Variants in SGPL1 observed in about 807,000 individuals in gnomAD.
SGPL1 encodes SP-lyase 1.
Under a neutral mutation model 68.9 loss-of-function variants are expected in SGPL1, and 37 were observed. The observed-to-expected ratio is 0.54, with a 90% CI of 0.41 to 0.71. SGPL1 has a LOEUF of 0.71. Among genes scored for constraint, SGPL1 ranks in the 30% least tolerant of loss-of-function variants. The probability of loss-of-function intolerance (pLI) is 0.00; values close to 1 mark genes in which losing one functional copy is unlikely to be tolerated. For synonymous variants in SGPL1, 236 were observed against 248.5 expected, an observed-to-expected ratio of 0.95 and a Z score of 0.47; for missense variants, 551 against 704.6, an observed-to-expected ratio of 0.78 and a Z score of 2.47.
chr10:70,865,146 A>G (rs1205734548), intron 7 of SGPL1, among the ~76,000 whole-genome samples: 2 of 152,054 alleles, frequency 1.3e-5, no homozygotes, highest in South Asian at 2.1e-4. Flanking sequence ...ACTTTGCGGT[A>G]CAGTTTCAAG....
In SGPL1 at chr10:70,877,478, G is replaced by C; in HGVS notation, c.*143G>C. On this transcript the variant is annotated 3_prime_UTR_variant, in exon 15 of 15. Transcript: ENST00000373202. ...GACCATGAGACAGCTTGAGCCTCAG[G>C]ATTCTTGTTCTTCCTCTTATCTTCC... 1 of 664,610 alleles carries C rather than the reference G, an allele frequency of 1.5e-6. No homozygotes were observed. 41.2% of individuals were successfully genotyped at this position (664,610 alleles called of 1,614,324 possible).
intron 3 of SGPL1, among the ~76,000 whole-genome samples, chr10:70,846,782 G>A (rs1362809497): frequency 8.5e-5 from 13 of 152,110 alleles, no homozygotes; most frequent in Non-Finnish European, 1.0e-4. Context: ...AAATTAATTG[G>A]CAAATAAACA....
At chr10:70,868,945 A>G (rs1158874382) in intron 8 of SGPL1, among the ~76,000 whole-genome samples, 1 of 152,164 alleles carries the variant, frequency 6.6e-6, no homozygotes, top group Non-Finnish European at 1.5e-5. Context: ...CATAAATTTG[A>G]TGTTTAGTTA....
intron 2 of SGPL1, among the ~76,000 whole-genome samples, chr10:70,819,143 T>C: frequency 6.6e-6 from 1 of 152,240 alleles, no homozygotes; most frequent in East Asian, 1.9e-4. Context: ...AACAGAACAA[T>C]GACTGCTTTT....
chr10:70,854,641 CATA>C, intron 4 of SGPL1, 64 bp from the exon 5 acceptor site: 1 of 1,418,326 alleles, frequency 7.1e-7, no homozygotes, highest in Non-Finnish European at 9.6e-7. Context: ...GCTTGACTGT[CATA>C]ATAATTCTGC....
intron 2 of SGPL1, among the ~76,000 whole-genome samples, chr10:70,843,855 G>T (rs113554645): frequency 2.0e-5 from 3 of 152,286 alleles, no homozygotes; most frequent in Admixed American, 6.5e-5. Flanking sequence ...AATTGTTAAA[G>T]AATATTTTAT....
rs926438388 is a variant in SGPL1 at position 70,815,977 on chromosome 10, C to T, written c.-193C>T. 4 of 151,374 alleles carry T rather than the reference C, an allele frequency of 2.6e-5. No individual in the cohort carries two copies. The highest frequency in any genetic ancestry group is 7.3e-5 in the African/African-American group (3 of 41,340). The allele number at this position is 151,374 out of a possible 1,614,324, so 9.4% of individuals were successfully genotyped here. A position where few individuals can be genotyped will look rare whatever the true frequency, so the allele number is the denominator to read the frequency against. On this transcript the variant is annotated 5_prime_UTR_variant, in exon 1 of 15. Coordinates refer to ENST00000373202, the MANE Select transcript of SGPL1 (RefSeq NM_003901.4). Reference sequence around the variant, plus strand: ...CCGGGAGGGGCGAGGCCGGCGGCTGCCGGGCCTCCAATCTCGGCGGCGGCG... The same window carrying T: ...CCGGGAGGGGCGAGGCCGGCGGCTGTCGGGCCTCCAATCTCGGCGGCGGCG...
chr10:70,828,971 G>A (rs1845486218), intron 2 of SGPL1, among the ~76,000 whole-genome samples: 1 of 152,158 alleles, frequency 6.6e-6, no homozygotes, highest in Non-Finnish European at 1.5e-5. Flanking sequence ...GAAGTGTCCT[G>A]AAGGGCGCTG....
chr10:70,852,144 C>T (rs1845894314), intron 4 of SGPL1, among the ~76,000 whole-genome samples: 1 of 152,188 alleles, frequency 6.6e-6, no homozygotes, highest in African/African-American at 2.4e-5. Flanking sequence ...TGGTCTTTCC[C>T]AACTTTACCT....
At chr10:70,852,370 G>C (rs146319756) in intron 4 of SGPL1, among the ~76,000 whole-genome samples, 21 of 152,294 alleles carry the variant, frequency 1.4e-4, no homozygotes, top group Admixed American at 3.3e-4. Context: ...GGAAATGTGA[G>C]CATATAGGCT....
chr10:70,818,514 C>T (rs1845280630), intron 2 of SGPL1, among the ~76,000 whole-genome samples: 1 of 152,190 alleles, frequency 6.6e-6, no homozygotes, highest in African/African-American at 2.4e-5. Context: ...ATCTCACTAT[C>T]CCAGAGGGTG....
rs969793474 is a variant in SGPL1, at chr10:70,835,563, T to C, written c.28-8910T>C. ...CATCCTGGCTAACACGGTGAAACCC[T>C]GTCTCTACTAAAAATACAAAAAATT... On this transcript the variant is annotated intron_variant, in intron 2 of 14. Transcript: ENST00000373202. 6.6e-5 allele frequency among the ~76,000 whole-genome samples: 10 copies of C among 151,966 alleles called. No homozygotes were observed. The East Asian group carries it at 1.9e-3, about 29-fold the overall frequency.
At chr10:70,823,455 A>G (rs1845377549) in intron 2 of SGPL1, among the ~76,000 whole-genome samples, 1 of 151,654 alleles carries the variant, frequency 6.6e-6, no homozygotes, top group Non-Finnish European at 1.5e-5. Context: ...ACCTGATGAC[A>G]AACACTATTT....
At chr10:70,824,653 A>T (rs1347239522) in intron 2 of SGPL1, among the ~76,000 whole-genome samples, 1 of 152,232 alleles carries the variant, frequency 6.6e-6, no homozygotes, top group African/African-American at 2.4e-5. Context: ...ATATTGTATT[A>T]TGTAGCAATC....
At chr10:70,864,286 A>G (rs1429473267) in intron 7 of SGPL1, among the ~76,000 whole-genome samples, 2 of 152,174 alleles carry the variant, frequency 1.3e-5, no homozygotes, top group Non-Finnish European at 2.9e-5. Flanking sequence ...ACTTCCAACC[A>G]TCGCAGTCAT....
chr10:70,868,028 C>T (rs922716502), intron 7 of SGPL1, among the ~76,000 whole-genome samples: 3 of 152,142 alleles, frequency 2.0e-5, no homozygotes, highest in Admixed American at 1.3e-4. Context: ...ATAAAATGCC[C>T]TATCTTATCT....
At chr10:70,852,350 G>T (rs969904108) in intron 4 of SGPL1, among the ~76,000 whole-genome samples, 30 of 152,204 alleles carry the variant, frequency 2.0e-4, no homozygotes, top group African/African-American at 7.2e-4. Context: ...AGCAATAACA[G>T]GTGGTGAAGG....
intron 9 of SGPL1, 71 bp downstream of exon 9, chr10:70,869,968 C>G: frequency 1.6e-6 from 2 of 1,240,210 alleles, no homozygotes; most frequent in Admixed American, 3.7e-5. Flanking sequence ...GTTGACTAGC[C>G]GTTTCCAGTC....
In SGPL1 at chr10:70,871,873, G is replaced by T. The variant is rs752537084; in HGVS notation, c.946G>T (p.Ala316Ser). Residue 316 changes from alanine to serine, a missense_variant, in exon 11 of 15, where the codon GCT becomes TCT. Physicochemically the swap from Ala to Ser is moderately conservative, Grantham distance 99 (BLOSUM62 1). Transcript: ENST00000373202. ...VKYKIPLHVD[A>S]CLGGFLIVFM... Reference sequence around the variant, plus strand: ...ATACAAAATACCCCTTCATGTCGACGCTTGTCTGGGAGGCTTCCTCATCGT... The same window carrying T: ...ATACAAAATACCCCTTCATGTCGACTCTTGTCTGGGAGGCTTCCTCATCGT... 2.5e-6 allele frequency: 4 copies of T among 1,613,992 alleles called. No homozygotes were observed. The highest frequency in any genetic ancestry group is 3.4e-6 in the Non-Finnish European group (4 of 1,179,990).
Sources: allele counts gnomAD v4.1 joint callset (sites outside exome capture counted in the v4.1 genomes callset), GRCh38; gene constraint gnomAD v4.1.1; transcripts MANE v1.5; gene names NCBI Gene and HGNC (gene_info 2026-07-23, HGNC 2026-07-21).